Variants in SCFD2 observed in about 807,000 individuals in gnomAD.
The protein encoded by SCFD2 is sec1 family domain-containing protein 2.
In SCFD2, 54 loss-of-function variants were observed where a neutral mutation model predicts 58.9. The ratio of observed to expected loss-of-function variants is 0.92; its 90% CI spans 0.74 to 1.15. The LOEUF is 1.15. Ranked by LOEUF, SCFD2 falls within the 50% of genes most tolerant of loss-of-function variation. SCFD2 has a pLI of 0.00. For synonymous variants in SCFD2, 321 were observed against 335.9 expected, an observed-to-expected ratio of 0.96 and a Z score of 0.49; for missense variants, 805 against 836.6, an observed-to-expected ratio of 0.96 and a Z score of 0.47.
chr4:52,970,603 C>T (rs1297462232), intron 5 of SCFD2, among the ~76,000 whole-genome samples: 1 of 152,168 alleles, frequency 6.6e-6, no homozygotes, highest in Non-Finnish European at 1.5e-5. Flanking sequence ...AGGGAGTAGC[C>T]AAACAAAAGG....
intron 4 of SCFD2, among the ~76,000 whole-genome samples, chr4:53,153,840 T>G (rs1329433794): frequency 6.6e-6 from 1 of 152,226 alleles, no homozygotes; most frequent in African/African-American, 2.4e-5. Context: ...TACCACATCA[T>G]GAGTGTTTTG....
At chr4:53,027,602 C>T (rs1221674029) in intron 5 of SCFD2, among the ~76,000 whole-genome samples, 5 of 152,122 alleles carry the variant, frequency 3.3e-5, no homozygotes, top group African/African-American at 4.8e-5. Flanking sequence ...CCAAGGCAGG[C>T]GGATCACTTG....
At chr4:53,314,972 C>T (rs1375128097) in intron 2 of SCFD2, among the ~76,000 whole-genome samples, 1 of 152,104 alleles carries the variant, frequency 6.6e-6, no homozygotes, top group African/African-American at 2.4e-5. Flanking sequence ...ACATGCCAAG[C>T]CCTGTATTTG....
intron 2 of SCFD2, among the ~76,000 whole-genome samples, chr4:53,338,985 A>G (rs549046635): frequency 1.3e-5 from 2 of 152,212 alleles, no homozygotes; most frequent in Admixed American, 1.3e-4. Flanking sequence ...AAACTAAAAG[A>G]TTTTGTTGCA....
At chr4:53,224,654 C>T (rs1282736084) in intron 4 of SCFD2, among the ~76,000 whole-genome samples, 1 of 152,162 alleles carries the variant, frequency 6.6e-6, no homozygotes, top group Non-Finnish European at 1.5e-5. Flanking sequence ...CAAAGAATTG[C>T]TCAGCTCAGC....
chr4:53,353,409 T>C (rs1047632751), intron 1 of SCFD2, among the ~76,000 whole-genome samples: 1 of 152,176 alleles, frequency 6.6e-6, no homozygotes, highest in South Asian at 2.1e-4. Flanking sequence ...CAATATTTAT[T>C]GCAGAGAGCA....
chr4:53,297,435 TTG>T (rs1390166551), intron 3 of SCFD2, among the ~76,000 whole-genome samples: 8 of 152,316 alleles, frequency 5.3e-5, no homozygotes, highest in Admixed American at 2.6e-4. Context: ...TAAGGTCTCT[TTG>T]TGTCAGACTA....
rs567748507 is a variant in SCFD2, at chr4:52,945,490, A to G, written c.1562-24620T>C. 2.0e-5 allele frequency among the ~76,000 whole-genome samples: 3 copies of G among 152,278 alleles called. No homozygotes were observed. The East Asian group carries it at 5.8e-4, about 29-fold the overall frequency. Reference sequence around the variant, plus strand: ...AATAATTCCATATCCTTGTCATGGCAATGAGTATGAGGATGTTAACACTGA... The same window carrying G: ...AATAATTCCATATCCTTGTCATGGCGATGAGTATGAGGATGTTAACACTGA... On this transcript the variant is annotated intron_variant, in intron 5 of 8. Transcript: ENST00000401642.
chr4:53,215,945 G>A (rs538051841), intron 4 of SCFD2, among the ~76,000 whole-genome samples: 9 of 152,242 alleles, frequency 5.9e-5, no homozygotes, highest in African/African-American at 1.4e-4. Context: ...GCTGGATTAC[G>A]TTTATTGATT....
At chr4:53,097,709 C>A (rs1303447935) in intron 5 of SCFD2, among the ~76,000 whole-genome samples, 2 of 152,124 alleles carry the variant, frequency 1.3e-5, no homozygotes, top group African/African-American at 4.8e-5. Context: ...CACTTTATTT[C>A]TTTCTCCTGC....
intron 4 of SCFD2, among the ~76,000 whole-genome samples, chr4:53,238,845 C>G (rs1315954878): frequency 1.3e-5 from 2 of 150,950 alleles, no homozygotes; most frequent in Non-Finnish European, 3.0e-5. Flanking sequence ...GGTGGGATGG[C>G]GGCCGGGCGG....
At chr4:53,334,410 A>T (rs1392794116) in intron 2 of SCFD2, among the ~76,000 whole-genome samples, 1 of 152,060 alleles carries the variant, frequency 6.6e-6, no homozygotes. Flanking sequence ...ACCATGGAAT[A>T]CTATGTAGCC....
chr4:52,900,707 G>C (rs916872726), intron 7 of SCFD2, among the ~76,000 whole-genome samples: 1 of 152,232 alleles, frequency 6.6e-6, no homozygotes, highest in Admixed American at 6.5e-5. Flanking sequence ...GGTTATTGCT[G>C]TCTTTTGTTT....
intron 1 of SCFD2, among the ~76,000 whole-genome samples, chr4:53,363,634 G>T (rs1578006628): frequency 6.6e-6 from 1 of 151,932 alleles, no homozygotes; most frequent in Non-Finnish European, 1.5e-5. Flanking sequence ...AGGAGATCGA[G>T]ACCACGGTGA....
At chr4:53,348,758 A>T (rs1210126914) in intron 2 of SCFD2, among the ~76,000 whole-genome samples, 1 of 149,632 alleles carries the variant, frequency 6.7e-6, no homozygotes, top group Non-Finnish European at 1.5e-5. Context: ...TCTATTGCCC[A>T]GGCTGGAGTG....
intron 4 of SCFD2, among the ~76,000 whole-genome samples, chr4:53,271,985 A>C (rs1235587289): frequency 4.6e-5 from 7 of 152,332 alleles, no homozygotes; most frequent in Non-Finnish European, 8.8e-5. Flanking sequence ...AGAATCTACA[A>C]TGAACTCAAA....
intron 5 of SCFD2, among the ~76,000 whole-genome samples, chr4:52,986,808 T>C (rs1029568905): frequency 2.0e-5 from 3 of 151,912 alleles, no homozygotes; most frequent in African/African-American, 4.8e-5. Context: ...ATGGGATTCT[T>C]AAAGTACCTA....
chr4:53,245,251 G>T (rs1240535723), intron 4 of SCFD2, among the ~76,000 whole-genome samples: 1 of 151,794 alleles, frequency 6.6e-6, no homozygotes, highest in East Asian at 1.9e-4. Context: ...CCCTATCTCA[G>T]TCCATGAGGC....
intron 5 of SCFD2, among the ~76,000 whole-genome samples, chr4:53,039,155 A>T (rs575105191): frequency 2.0e-4 from 31 of 152,270 alleles, no homozygotes; most frequent in African/African-American, 7.5e-4. Flanking sequence ...TTTCCATTTC[A>T]TCAAAGAGAA....
Sources: gnomAD v4.1 joint callset for allele counts (sites outside exome capture counted in the v4.1 genomes callset) on GRCh38, gnomAD v4.1.1 for gene constraint, MANE v1.5 for transcripts, NCBI Gene and HGNC (gene_info 2026-07-23, HGNC 2026-07-21) for gene names.